Variants in EP300 observed in about 807,000 individuals in gnomAD.
EP300 encodes the protein histone acetyltransferase p300.
Under a neutral mutation model 264.0 loss-of-function variants are expected in EP300, and 31 were observed. The ratio of observed to expected loss-of-function variants is 0.12; its 90% CI spans 0.09 to 0.16. EP300 has a LOEUF of 0.16. EP300 is among the 10% of genes least tolerant of loss of function. The pLI is 1.00. For synonymous variants in EP300, 1,340 were observed against 1,045.4 expected, an observed-to-expected ratio of 1.28 and a Z score of -5.44; for missense variants, 2,766 against 3,052.9, an observed-to-expected ratio of 0.91 and a Z score of 2.21.
intron 2 of EP300, among the ~76,000 whole-genome samples, chr22:41,122,196 G>A (rs1001232613): frequency 5.5e-5 from 5 of 91,466 alleles, no homozygotes; most frequent in Admixed American, 3.5e-4. Flanking sequence ...ACAGAGTTTC[G>A]TTCTTGTCGC....
Position 41,173,736 on chromosome 22 carries a change from T to G in EP300, c.4731T>G (p.Ser1577=). 1.2e-6 allele frequency: 2 copies of G among 1,614,158 alleles called. No homozygotes were observed. The highest frequency in any genetic ancestry group is 8.5e-7 in the Non-Finnish European group (1 of 1,180,024). ...NKKKPGMPNV[S]NDLSQKLYAT... is the part of the protein sequence containing the mutation. Reference sequence around the variant, plus strand: ...AGAAACCCGGGATGCCCAATGTATCTAACGACCTCTCACAGAAACTATATG... The same window carrying G: ...AGAAACCCGGGATGCCCAATGTATCGAACGACCTCTCACAGAAACTATATG... Residue 1577 remains serine, a synonymous_variant, in exon 29 of 31, where the codon TCT becomes TCG. Transcript: ENST00000263253.
chr22:41,119,004 CTTT>C (rs972813377), intron 2 of EP300, among the ~76,000 whole-genome samples: 6 of 130,950 alleles, frequency 4.6e-5, no homozygotes, highest in Admixed American at 8.2e-5. Context: ...CCCCCGCCAC[CTTT>C]TTTTTTTTTT....
intron 3 of EP300, among the ~76,000 whole-genome samples, chr22:41,126,728 A>ATTT (rs2058884553): frequency 9.2e-5 from 5 of 54,390 alleles, no homozygotes; most frequent in Non-Finnish European, 1.1e-4. Flanking sequence ...AGAAATGTTC[A>ATTT]CTTTTTTTTT....
At position 41,176,253 on chromosome 22, in the gene EP300, T is replaced by C. The variant is rs777000525; in HGVS notation, c.4786T>C (p.Phe1596Leu). The change falls in exon 30 of 31, where the codon TTT becomes CTT. Residue 1596 changes from phenylalanine (F) to leucine (L), a missense_variant. Coordinates refer to ENST00000263253, the MANE Select transcript of EP300 (RefSeq NM_001429.4). ...GAGACTGTCTGTTTTTCAGGTCTTC[T>C]TTGTGATCCGCCTCATTGCTGGCCC... is the stretch of plus-strand genomic sequence containing the variant. ...ATMEKHKEVF[F>L]VIRLIAGPAA... 6.2e-7 allele frequency: 1 copy of C among 1,614,226 alleles called. No individual in the cohort carries two copies.
rs71200661 is a variant in EP300 at position 41,111,876 on chromosome 22, C to CTTTTTTT, written c.95-5288_95-5282dup. On this transcript the variant is annotated intron_variant, in intron 1 of 30. Transcript: ENST00000263253. ...TTTTTTCTTTTTTAGAACTTGTAAC[C>CTTTTTTT]TTTTTTTTTTTTTTTTTTTTTTTTT... 5.5e-5 allele frequency among the ~76,000 whole-genome samples: 3 copies of CTTTTTTT among 54,706 alleles called. 1 individual carries two copies. The highest frequency in any genetic ancestry group is 1.4e-3 in the East Asian group (2 of 1,442). The allele number at this position is 54,706 out of a possible 152,430, so 35.9% of individuals were successfully genotyped here.
chr22:41,175,578 G>A (rs558559273), intron 29 of EP300, among the ~76,000 whole-genome samples: 2 of 152,284 alleles, frequency 1.3e-5, no homozygotes, highest in East Asian at 3.9e-4. Context: ...CAAACCTGTA[G>A]GAAAAGTTAC....
chr22:41,127,997 G>A (rs1169216229), intron 4 of EP300, among the ~76,000 whole-genome samples: 2 of 152,132 alleles, frequency 1.3e-5, no homozygotes, highest in Non-Finnish European at 2.9e-5. Context: ...AGACCAGCCT[G>A]GACAACATAG....
intron 23 of EP300, among the ~76,000 whole-genome samples, chr22:41,167,608 A>ATATATG (rs1466111789): frequency 3.7e-4 from 13 of 35,616 alleles, no homozygotes. Flanking sequence ...ATATATATAT[A>ATATATG]TATATATATA....
chr22:41,142,958 T>C (rs144179769), intron 10 of EP300, among the ~76,000 whole-genome samples: 191 of 152,302 alleles, frequency 1.3e-3, no homozygotes, highest in African/African-American at 4.4e-3. Flanking sequence ...GGTGAAGTTC[T>C]GAGCCAAGTT....
intron 3 of EP300, among the ~76,000 whole-genome samples, chr22:41,127,163 T>A (rs1456243037): frequency 2.6e-5 from 4 of 152,206 alleles, no homozygotes. Context: ...CATTGCTCTT[T>A]AAAACCTAAT....
At position 41,117,572 on chromosome 22, in the gene EP300, G is replaced by A. The variant is rs1468717474; in HGVS notation, c.480G>A (p.Gln160=). ...STGMMNSPVN[Q]PAMGMNTGMN... Reference sequence around the variant, plus strand: ...GTATGATGAACAGTCCAGTAAATCAGCCTGCCATGGGAATGAACACAGGGA... The same window carrying A: ...GTATGATGAACAGTCCAGTAAATCAACCTGCCATGGGAATGAACACAGGGA... The change falls in exon 2 of 31, where the codon CAG becomes CAA. Residue 160 remains glutamine (Q), a synonymous_variant. Coordinates refer to ENST00000263253, the MANE Select transcript of EP300 (RefSeq NM_001429.4). The A allele has an allele frequency of 1.9e-6, 3 of 1,614,218 alleles. No individual in the cohort carries two copies. In the South Asian group the frequency reaches 3.3e-5, roughly 18 times the overall value.
chr22:41,101,560 C>T (rs760401139), intron 1 of EP300, among the ~76,000 whole-genome samples: 20 of 151,666 alleles, frequency 1.3e-4, no homozygotes, highest in Non-Finnish European at 2.2e-4. Flanking sequence ...TACAGGCACC[C>T]GCCACCATGC....
intron 12 of EP300, chr22:41,148,761 G>C: frequency 1.2e-5 from 6 of 495,786 alleles, no homozygotes; most frequent in Non-Finnish European, 2.2e-5. Flanking sequence ...CCTTGTGCTA[G>C]GCATATTTGT....
intron 16 of EP300, among the ~76,000 whole-genome samples, chr22:41,153,777 T>C (rs530599736): frequency 9.2e-5 from 14 of 152,280 alleles, no homozygotes; most frequent in African/African-American, 3.4e-4. Context: ...ATAAAATGTC[T>C]AATTTCACAA....
chr22:41,129,473 A>G (rs900855198), intron 4 of EP300, among the ~76,000 whole-genome samples: 1 of 152,350 alleles, frequency 6.6e-6, no homozygotes, highest in East Asian at 1.9e-4. Flanking sequence ...CATGTAGGCA[A>G]GTGTTCAATT....
Position 41,148,098 on chromosome 22 carries a change from C to G in EP300, c.2241+152C>G, listed in dbSNP as rs1163806241. On this transcript the variant is annotated intron_variant, in intron 12 of 30. Transcript: ENST00000263253. ...TTCTGTATTTAACTCTACTAGAAAG[C>G]TGACCAAAAAACGAAAACAGCCAGT... 7 of 666,058 alleles carry G rather than the reference C, an allele frequency of 1.1e-5. No individual in the cohort carries two copies. In the African/African-American group the frequency reaches 1.3e-4, roughly 12 times the overall value. 41.3% of individuals were successfully genotyped at this position (666,058 alleles called of 1,614,324 possible).
chr22:41,118,890 A>G lies in EP300; in HGVS notation c.729+1069A>G, dbSNP rs116286039. 9.5e-3 allele frequency among the ~76,000 whole-genome samples: 1,446 copies of G among 151,938 alleles called. 28 individuals carry two copies. Among genetic ancestry groups the G allele is most frequent in the African/African-American group, 0.033 (1,372 of 41,460 alleles). On this transcript the variant is annotated intron_variant, in intron 2 of 30. Transcript: ENST00000263253. Reference sequence around the variant, plus strand: ...TTGTGTTGGGGGGAACTGAGGTGACATGTAGGAATTCAAAAACCTTAAATT... The same window carrying G: ...TTGTGTTGGGGGGAACTGAGGTGACGTGTAGGAATTCAAAAACCTTAAATT...
intron 1 of EP300, 108 bp from the exon 2 acceptor site, chr22:41,117,078 TG>T: frequency 1.0e-6 from 1 of 956,266 alleles, no homozygotes; most frequent in Non-Finnish European, 1.6e-6. Flanking sequence ...TAGAAAAACA[TG>T]GAGTGAGGTT....
At chr22:41,118,525 G>C (rs553246036) in intron 2 of EP300, among the ~76,000 whole-genome samples, 1 of 152,266 alleles carries the variant, frequency 6.6e-6, no homozygotes, top group South Asian at 2.1e-4. Flanking sequence ...CCAGTGCCTG[G>C]CATGTAGTTC....
Sources: gnomAD v4.1 joint callset for allele counts (sites outside exome capture counted in the v4.1 genomes callset) on GRCh38, gnomAD v4.1.1 for gene constraint, MANE v1.5 for transcripts, NCBI Gene and HGNC (gene_info 2026-07-23, HGNC 2026-07-21) for gene names.